CLVS1: variants seen among roughly 807,000 people sequenced by gnomAD.
CLVS1 encodes the protein clavesin-1.
A neutral mutation model predicts 33.1 loss-of-function variants in CLVS1; 10 were observed. The observed-to-expected ratio is 0.30, with a 90% CI of 0.19 to 0.51. The LOEUF (loss-of-function observed/expected upper bound fraction) is 0.51, where lower values mean the gene tolerates loss of function less well. Ranked by LOEUF, CLVS1 falls within the 20% of genes least tolerant of loss-of-function variation. The pLI, the probability that CLVS1 is intolerant of heterozygous loss-of-function variation, is 0.97. For missense variants in CLVS1, 343 were observed against 433.4 expected, an observed-to-expected ratio of 0.79 and a Z score of 1.85; for synonymous variants, 163 against 166.1, an observed-to-expected ratio of 0.98 and a Z score of 0.14.
At chr8:61,114,089 G>C (rs1371457489) in intron 1 of CLVS1, among the ~76,000 whole-genome samples, 1 of 152,216 alleles carries the variant, frequency 6.6e-6, no homozygotes, top group Non-Finnish European at 1.5e-5. Context: ...TAATGGCTGT[G>C]TTCTAGTAAA....
At chr8:61,497,451 G>A (rs1804308397) in intron 5 of CLVS1, among the ~76,000 whole-genome samples, 5 of 146,560 alleles carry the variant, frequency 3.4e-5, no homozygotes, top group African/African-American at 1.2e-4. Flanking sequence ...TTGGGGGGGG[G>A]GTGTCAGTCT....
intron 1 of CLVS1, among the ~76,000 whole-genome samples, chr8:61,116,385 T>C (rs1805724140): frequency 6.6e-6 from 1 of 152,210 alleles, no homozygotes; most frequent in Non-Finnish European, 1.5e-5. Context: ...TTAGATCCCA[T>C]TTGTCAATTT....
intron 2 of CLVS1, among the ~76,000 whole-genome samples, chr8:61,279,182 AAC>A (rs1809619969): frequency 6.6e-6 from 1 of 152,162 alleles, no homozygotes; most frequent in African/African-American, 2.4e-5. Context: ...TCCTCCTTAC[AAC>A]ACAGCTGTGC....
chr8:61,264,195 T>C (rs903048614), intron 2 of CLVS1, among the ~76,000 whole-genome samples: 5 of 152,048 alleles, frequency 3.3e-5, no homozygotes, highest in Admixed American at 2.6e-4. Flanking sequence ...CTTCCCTCTG[T>C]ATCTCTCTGG....
intron 2 of CLVS1, among the ~76,000 whole-genome samples, chr8:61,146,756 T>A (rs920685362): frequency 6.6e-6 from 1 of 152,094 alleles, no homozygotes; most frequent in Non-Finnish European, 1.5e-5. Flanking sequence ...CCATGCTGGC[T>A]GAGCTTCACC....
chr8:61,159,748 G>A (rs1209750727), intron 2 of CLVS1, among the ~76,000 whole-genome samples: 1 of 152,194 alleles, frequency 6.6e-6, no homozygotes, highest in Non-Finnish European at 1.5e-5. Context: ...TTTATTGTCA[G>A]GAGAGAGAAT....
At chr8:61,338,179 C>T (rs1031728639) in intron 2 of CLVS1, among the ~76,000 whole-genome samples, 5 of 152,150 alleles carry the variant, frequency 3.3e-5, no homozygotes, top group Admixed American at 1.3e-4. Flanking sequence ...ATGCCAGACA[C>T]AGAGCCTCCA....
At chr8:61,271,900 T>C (rs1022382154) in intron 2 of CLVS1, among the ~76,000 whole-genome samples, 3 of 151,810 alleles carry the variant, frequency 2.0e-5, no homozygotes, top group Non-Finnish European at 4.4e-5. Flanking sequence ...ATTTTGAGCC[T>C]GTGTGTGTCT....
chr8:61,049,679 T>G, the CLVS1 span, among the ~76,000 whole-genome samples: 2 of 152,198 alleles, frequency 1.3e-5, no homozygotes, highest in African/African-American at 4.8e-5. Context: ...CAAAGACACA[T>G]GATTACACCA....
intron 3 of CLVS1, among the ~76,000 whole-genome samples, chr8:61,449,244 C>T (rs1337287218): frequency 6.6e-6 from 1 of 152,140 alleles, no homozygotes; most frequent in Non-Finnish European, 1.5e-5. Context: ...TTCATTAACA[C>T]TGGACAATGA....
At chr8:61,041,390 A>C in the CLVS1 span, among the ~76,000 whole-genome samples, 9 of 152,164 alleles carry the variant, frequency 5.9e-5, no homozygotes, top group African/African-American at 2.2e-4. Context: ...CTTGATAGGA[A>C]TAATGTTGAA....
intron 2 of CLVS1, among the ~76,000 whole-genome samples, chr8:61,173,540 T>C (rs545434020): frequency 2.6e-5 from 4 of 152,338 alleles, no homozygotes; most frequent in African/African-American, 4.8e-5. Flanking sequence ...TATTGATTGG[T>C]TCTGTCACTG....
the CLVS1 span, among the ~76,000 whole-genome samples, chr8:60,985,245 T>C: frequency 9.8e-5 from 15 of 152,316 alleles, no homozygotes; most frequent in African/African-American, 3.6e-4. Context: ...AACATGGGGC[T>C]TTCAATCCGC....
intron 5 of CLVS1, among the ~76,000 whole-genome samples, chr8:61,482,814 A>C (rs562708769): frequency 6.6e-6 from 1 of 152,328 alleles, no homozygotes; most frequent in Admixed American, 6.5e-5. Flanking sequence ...ATTACATGGA[A>C]ACTGAGGAAC....
At chr8:61,221,813 C>T (rs1585701099) in intron 2 of CLVS1, among the ~76,000 whole-genome samples, 1 of 152,110 alleles carries the variant, frequency 6.6e-6, no homozygotes, top group African/African-American at 2.4e-5. Flanking sequence ...CCATCTAATC[C>T]TGGGATTTTT....
chr8:61,087,041 TC>T (rs770941234), intron 1 of CLVS1, among the ~76,000 whole-genome samples: 4 of 152,222 alleles, frequency 2.6e-5, no homozygotes, highest in Non-Finnish European at 5.9e-5. Flanking sequence ...GGGTGCTAAC[TC>T]CCAGGGTGAG....
intron 2 of CLVS1, among the ~76,000 whole-genome samples, chr8:61,236,164 T>C (rs1808553165): frequency 6.6e-6 from 1 of 152,128 alleles, no homozygotes; most frequent in African/African-American, 2.4e-5. Context: ...GATGCTAAAA[T>C]GAGGCAAGAC....
intron 1 of CLVS1, among the ~76,000 whole-genome samples, chr8:61,127,228 T>TC (rs1249676022): frequency 2.6e-5 from 4 of 151,692 alleles, no homozygotes; most frequent in Non-Finnish European, 5.9e-5. Flanking sequence ...TTTTTTTTTT[T>TC]TTTGAGATGG....
rs28513289 is a variant in CLVS1, at chr8:61,499,380, G to A, written c.978-75G>A. 262 of 970,384 alleles carry A rather than the reference G, an allele frequency of 2.7e-4. 1 individual carries two copies. The highest frequency in any genetic ancestry group is 7.8e-4 in the South Asian group (58 of 74,092). The allele number at this position is 970,384 out of a possible 1,614,324, so 60.1% of individuals were successfully genotyped here. A position where few individuals can be genotyped will look rare whatever the true frequency, so the allele number is the denominator to read the frequency against. ...TATTAAAAAGAGAAATATAAAATCC[G>A]GATGTCTTCAAAGGTTCCAAAATTG... On this transcript the variant is annotated intron_variant, in intron 5 of 5. Transcript: ENST00000325897.
Sources: gnomAD v4.1 joint callset for allele counts (sites outside exome capture counted in the v4.1 genomes callset) on GRCh38, gnomAD v4.1.1 for gene constraint, MANE v1.5 for transcripts, NCBI Gene and HGNC (gene_info 2026-07-23, HGNC 2026-07-21) for gene names.